The following NF1 variants were observed in gnomAD, a reference collection of about 807,000 sequenced individuals.
NF1 encodes the protein neurofibromin.
A neutral mutation model predicts 325.7 loss-of-function variants in NF1; 122 were observed. The ratio of observed to expected loss-of-function variants is 0.37; its 90% confidence interval spans 0.32 to 0.44. NF1 has a LOEUF of 0.44. Ranked by LOEUF, NF1 falls within the 20% of genes least tolerant of loss-of-function variation. NF1 has a pLI of 1.00. For synonymous variants in NF1, 1,091 were observed against 1,186.0 expected, an observed-to-expected ratio of 0.92 and a Z score of 1.65; for missense variants, 2,140 against 3,415.4, an observed-to-expected ratio of 0.63 and a Z score of 9.31.
intron 51 of NF1, among the ~76,000 whole-genome samples, chr17:31,354,803 C>T (rs949385151): frequency 9.2e-5 from 14 of 152,018 alleles, no homozygotes; most frequent in Admixed American, 9.2e-4. Flanking sequence ...ACCTGGGCAG[C>T]ATAGTCAGAC....
rs374014162 is a variant in NF1 at position 31,337,365 on chromosome 17, C to T, written c.6428-3C>T. On this transcript the variant is annotated splice_polypyrimidine_tract_variant and splice_region_variant and intron_variant, in intron 42 of 57. Transcript: ENST00000358273. The stretch of plus-strand genomic sequence containing the variant: ...CTTTACTTGTTCCTTTATTCTCTTA[C>T]AGAAGAGACCAAGCAAGTTTTGAGA... 1.2e-4 allele frequency: 200 copies of T among 1,605,108 alleles called. No homozygotes were observed. The highest frequency in any genetic ancestry group is 1.6e-4 in the Non-Finnish European group (190 of 1,172,118).
chr17:31,274,749 GTAATA>G (rs2067970903), intron 36 of NF1, among the ~76,000 whole-genome samples: 1 of 151,326 alleles, frequency 6.6e-6, no homozygotes, highest in South Asian at 2.1e-4. Flanking sequence ...AATAGTAATA[GTAATA>G]GTAATAGTAA....
intron 13 of NF1, among the ~76,000 whole-genome samples, chr17:31,217,939 C>CAA (rs56382346): frequency 1.6e-4 from 19 of 116,754 alleles, no homozygotes; most frequent in South Asian, 8.4e-4. Context: ...CACTCCGTTT[C>CAA]AAAAAAAAAA....
intron 29 of NF1, 143 bp downstream of exon 29, chr17:31,236,164 C>T: frequency 1.6e-6 from 1 of 644,382 alleles, no homozygotes; most frequent in Non-Finnish European, 2.7e-6. Flanking sequence ...TATACAAATA[C>T]ACGTTTCTTT....
At chr17:31,147,093 T>G (rs1271959008) in intron 1 of NF1, among the ~76,000 whole-genome samples, 1 of 152,234 alleles carries the variant, frequency 6.6e-6, no homozygotes, top group Non-Finnish European at 1.5e-5. Context: ...TTCTGTTAAA[T>G]TATGTGTATA....
rs876660320 is a variant in NF1 at position 31,259,101 on chromosome 17, G to A, written c.4402G>A (p.Val1468Met). Residue 1468 changes from valine (V) to methionine (M), a missense_variant, in exon 33 of 58, where the codon GTG becomes ATG. Transcript: ENST00000358273. ...ACATATGCGGCCTTTCAATGATTTT[G>A]TGAAAAGCAACTTTGATGCAGCACG... ...EEHMRPFNDFVKSNFDAARRF... is the reference protein window; with the variant it reads ...EEHMRPFNDFMKSNFDAARRF... 6.2e-7 allele frequency: 1 copy of A among 1,603,706 alleles called. No individual in the cohort carries two copies. Among genetic ancestry groups the A allele is most frequent in the South Asian group, 1.1e-5 (1 of 89,884 alleles).
chr17:31,366,422 T>C (rs2070522150), intron 57 of NF1, among the ~76,000 whole-genome samples: 1 of 152,228 alleles, frequency 6.6e-6, no homozygotes, highest in East Asian at 1.9e-4. Context: ...TCACTTTGCT[T>C]CTGTAATGTA....
At chr17:31,304,950 G>A (rs765491483) in intron 36 of NF1, 1 of 1,614,100 alleles carries the variant, frequency 6.2e-7, no homozygotes. Flanking sequence ...GTACAATGAT[G>A]ATTATAGCTA....
intron 36 of NF1, among the ~76,000 whole-genome samples, chr17:31,270,125 G>A (rs1011361947): frequency 3.9e-5 from 6 of 152,186 alleles, no homozygotes; most frequent in African/African-American, 1.4e-4. Context: ...CAGTGTGTGT[G>A]TGCACCTGCA....
intron 36 of NF1, among the ~76,000 whole-genome samples, chr17:31,303,379 A>G (rs1372052418): frequency 1.3e-5 from 2 of 152,204 alleles, no homozygotes; most frequent in Non-Finnish European, 2.9e-5. Flanking sequence ...ATAATGGATA[A>G]AGATGAAATT....
chr17:31,153,046 A>C (rs1362970991), intron 1 of NF1, among the ~76,000 whole-genome samples: 2 of 150,912 alleles, frequency 1.3e-5, no homozygotes, highest in Non-Finnish European at 2.9e-5. Context: ...ATTCTTTCAG[A>C]GATCTCTTGT....
At chr17:31,246,026 A>AGG (rs2067384241) in intron 29 of NF1, among the ~76,000 whole-genome samples, 1 of 152,210 alleles carries the variant, frequency 6.6e-6, no homozygotes, top group African/African-American at 2.4e-5. Flanking sequence ...CAAGGGTTTT[A>AGG]AGAGCAATGT....
At chr17:31,274,749 GTAA>G in intron 36 of NF1, among the ~76,000 whole-genome samples, 1 of 151,326 alleles carries the variant, frequency 6.6e-6, no homozygotes, top group Admixed American at 6.6e-5. Flanking sequence ...AATAGTAATA[GTAA>G]TAGTAATAGT....
chr17:31,125,958 C>A (rs966307060), intron 1 of NF1, among the ~76,000 whole-genome samples: 1 of 151,992 alleles, frequency 6.6e-6, no homozygotes, highest in Non-Finnish European at 1.5e-5. Context: ...TTTATGGGGC[C>A]GGGTGCAGTG....
intron 36 of NF1, among the ~76,000 whole-genome samples, chr17:31,276,749 G>T (rs1350251847): frequency 6.6e-6 from 1 of 151,926 alleles, no homozygotes; most frequent in East Asian, 1.9e-4. Context: ...CTTCCTTCTG[G>T]GCACAGCACC....
chr17:31,274,652 G>A (rs1054675223), intron 36 of NF1, among the ~76,000 whole-genome samples: 8 of 152,128 alleles, frequency 5.3e-5, no homozygotes, highest in African/African-American at 1.7e-4. Flanking sequence ...GAGTACTGCA[G>A]TAATTTACAG....
intron 36 of NF1, among the ~76,000 whole-genome samples, chr17:31,287,204 A>T (rs1419318479): frequency 6.6e-6 from 1 of 152,212 alleles, no homozygotes; most frequent in African/African-American, 2.4e-5. Context: ...TTTCACTTCT[A>T]ATCTTGTTAA....
Position 31,104,246 on chromosome 17 carries a change from T to A in NF1, c.60+8877T>A, listed in dbSNP as rs560141892. ...TGGTATTCTGGGGTTCTATGTAGACTCTATATTGTTGCATTCTAACGACAT... is the reference window on the plus strand; with the variant it reads ...TGGTATTCTGGGGTTCTATGTAGACACTATATTGTTGCATTCTAACGACAT... On this transcript the variant is annotated intron_variant, in intron 1 of 57. Transcript: ENST00000358273. Among the ~76,000 whole-genome samples the A allele has an allele frequency of 1.2e-4, 19 of 152,270 alleles. No individual in the cohort carries two copies. In the South Asian group the frequency reaches 3.9e-3, roughly 32 times the overall value.
At chr17:31,233,529 A>C (rs1389304095) in intron 27 of NF1, among the ~76,000 whole-genome samples, 4 of 152,202 alleles carry the variant, frequency 2.6e-5, no homozygotes, top group Non-Finnish European at 4.4e-5. Flanking sequence ...CAATGCTGGA[A>C]TTGGAATCCA....
Sources: gnomAD v4.1 joint callset for allele counts (sites outside exome capture counted in the v4.1 genomes callset) on GRCh38, gnomAD v4.1.1 for gene constraint, MANE v1.5 for transcripts, NCBI Gene and HGNC (gene_info 2026-07-23, HGNC 2026-07-21) for gene names.